XRCC2: variants seen among roughly 807,000 people sequenced by gnomAD.
XRCC2 encodes X-ray repair cross complementing 2.
Under a neutral mutation model 27.3 loss-of-function variants are expected in XRCC2, and 24 were observed. That is an observed-to-expected ratio of 0.88 (90% CI 0.64 to 1.24). The LOEUF is 1.24. Ranked by LOEUF, XRCC2 falls within the 50% of genes most tolerant of loss-of-function variation. The probability of loss-of-function intolerance (pLI) is 0.00; values close to 1 mark genes in which losing one functional copy is unlikely to be tolerated. For missense variants in XRCC2, 321 were observed against 325.8 expected (o/e 0.99, Z 0.11); for synonymous variants, 106 against 115.4 (o/e 0.92, Z 0.52).
At chr7:152,649,427 A>AG in intron 2 of XRCC2, 64 bp from the exon 3 acceptor site, 2 of 1,501,632 alleles carry the variant, frequency 1.3e-6, no homozygotes, top group Non-Finnish European at 1.8e-6. Flanking sequence ...CAAAATGCAA[A>AG]GTCTGCAAAA....
At chr7:152,658,323 T>C (rs1048921268) in intron 2 of XRCC2, among the ~76,000 whole-genome samples, 1 of 152,054 alleles carries the variant, frequency 6.6e-6, no homozygotes, top group African/African-American at 2.4e-5. Context: ...GCTAATTTTT[T>C]CTATTTTTAG....
intron 2 of XRCC2, 107 bp from the exon 3 acceptor site, chr7:152,649,470 G>T: frequency 7.3e-7 from 1 of 1,366,556 alleles, no homozygotes. Flanking sequence ...GAATGTGAAA[G>T]AAAATCTAAA....
At chr7:152,651,897 G>A (rs184339461) in intron 2 of XRCC2, among the ~76,000 whole-genome samples, 2 of 151,966 alleles carry the variant, frequency 1.3e-5, no homozygotes, top group East Asian at 3.9e-4. Flanking sequence ...GCTGGGCATA[G>A]TGGCTCACAT....
chr7:152,671,819 A>C (rs1447505792), intron 1 of XRCC2, among the ~76,000 whole-genome samples: 1 of 152,170 alleles, frequency 6.6e-6, no homozygotes, highest in African/African-American at 2.4e-5. Flanking sequence ...AGGCAGGTGA[A>C]TCACTTGAGC....
rs776959023 is a variant in XRCC2 at position 152,649,213 on chromosome 7, C to T, written c.272G>A (p.Arg91Gln). ...IDTDYHFDML[R>Q]LVTILEHRLS... ...TCTGTGCTCAAGAATTGTAACTAGCCGGAGCATATCAAAGTGGTAATCTGT... is the reference window on the plus strand; with the variant it reads ...TCTGTGCTCAAGAATTGTAACTAGCTGGAGCATATCAAAGTGGTAATCTGT... The change falls in exon 3 of 3, where the codon CGG (arginine) becomes CAG (glutamine). Residue 91 changes from arginine to glutamine, a missense_variant. Coordinates refer to ENST00000359321, the MANE Select transcript of XRCC2 (RefSeq NM_005431.2). 26 of 1,613,664 alleles carry T rather than the reference C, an allele frequency of 1.6e-5. No homozygotes were observed. The highest frequency in any genetic ancestry group is 4.5e-5 in the East Asian group (2 of 44,894).
At chr7:152,649,542 G>A (rs2098027620) in intron 2 of XRCC2, among the ~76,000 whole-genome samples, 179 bp from the exon 3 acceptor site, 1 of 152,178 alleles carries the variant, frequency 6.6e-6, no homozygotes, top group Non-Finnish European at 1.5e-5. Context: ...TTAGAGCCTG[G>A]TGGGAAGGTT....
chr7:152,655,576 G>A lies in XRCC2; in HGVS notation c.121+5125C>T, dbSNP rs958968443. Among the ~76,000 whole-genome samples, 6 of 152,110 alleles carry A rather than the reference G, an allele frequency of 3.9e-5. No homozygotes were observed. The South Asian group carries it at 1.2e-3, about 31-fold the overall frequency. On this transcript the variant is annotated intron_variant, in intron 2 of 2. Coordinates refer to ENST00000359321, the MANE Select transcript of XRCC2 (RefSeq NM_005431.2). ...ACACAAAAATTAGTCTGGTGTGGTGGCACACATCTGTGGTCCCAGCTATTC... is the reference window on the plus strand; with the variant it reads ...ACACAAAAATTAGTCTGGTGTGGTGACACACATCTGTGGTCCCAGCTATTC...
chr7:152,656,321 C>T (rs3218495), intron 2 of XRCC2, among the ~76,000 whole-genome samples: 7 of 152,110 alleles, frequency 4.6e-5, no homozygotes, highest in African/African-American at 1.2e-4. Flanking sequence ...GTTGGGTGTT[C>T]GAGACCAGCC....
chr7:152,648,903 C>T lies in XRCC2; in HGVS notation c.582G>A (p.Thr194=), dbSNP rs769829135. 25 of 1,613,936 alleles carry T rather than the reference C, an allele frequency of 1.5e-5. No individual in the cohort carries two copies. The highest frequency in any genetic ancestry group is 2.2e-5 in the South Asian group (2 of 91,078). ...VNDYRLVLFA[T]TQTIMQKASS... ...AGGCTTTCTGCATTATAGTTTGTGT[C>T]GTTGCAAAAAGAACCAGGCGATAGT... The change falls in exon 3 of 3, where the codon ACG becomes ACA. Residue 194 remains threonine, a synonymous_variant. Transcript: ENST00000359321.
chr7:152,651,887 G>A (rs1039823325), intron 2 of XRCC2, among the ~76,000 whole-genome samples: 6 of 151,940 alleles, frequency 3.9e-5, no homozygotes, highest in Admixed American at 3.9e-4. Context: ...TCTACACATG[G>A]CTGGGCATAG....
At chr7:152,675,945 G>A (rs953598235) in intron 1 of XRCC2, 96 bp downstream of exon 1, 7 of 1,545,880 alleles carry the variant, frequency 4.5e-6, no homozygotes, top group African/African-American at 1.4e-5. Flanking sequence ...AGGCCGCGCC[G>A]CCCCAAGCCT....
chr7:152,669,827 G>A lies in XRCC2; in HGVS notation c.39+6214C>T, dbSNP rs535774670. On this transcript the variant is annotated intron_variant, in intron 1 of 2. Coordinates refer to ENST00000359321, the MANE Select transcript of XRCC2 (RefSeq NM_005431.2). ...AAAACTGATGGGGAGGCCAGGCATCGTGGCTCATGCCTGTAATCCCAGCAC... is the reference window on the plus strand; with the variant it reads ...AAAACTGATGGGGAGGCCAGGCATCATGGCTCATGCCTGTAATCCCAGCAC... Among the ~76,000 whole-genome samples the A allele has an allele frequency of 5.3e-5, 8 of 151,954 alleles. No individual in the cohort carries two copies. The South Asian group carries it at 1.7e-3, about 32-fold the overall frequency.
At chr7:152,657,762 G>T (rs1271596976) in intron 2 of XRCC2, among the ~76,000 whole-genome samples, 1 of 152,124 alleles carries the variant, frequency 6.6e-6, no homozygotes, top group East Asian at 1.9e-4. Flanking sequence ...TAGAAATTAT[G>T]ATCTTACTTG....
At chr7:152,658,199 C>T (rs1590133329) in intron 2 of XRCC2, among the ~76,000 whole-genome samples, 1 of 151,588 alleles carries the variant, frequency 6.6e-6, no homozygotes. Context: ...GGCTGGAGTG[C>T]AGTGGCACAA....
chr7:152,665,449 T>C (rs1026070210), intron 1 of XRCC2, among the ~76,000 whole-genome samples: 9 of 150,028 alleles, frequency 6.0e-5, no homozygotes, highest in Admixed American at 4.7e-4. Flanking sequence ...GTGAAATCAT[T>C]CCTGGGTAAA....
chr7:152,648,860 GTTCTTCTGATGAGCTCGAGGCTT>G lies in XRCC2; in HGVS notation c.602_624del (p.Lys201ThrfsTer10). The G allele has an allele frequency of 6.2e-7, 1 of 1,613,928 alleles. No individual in the cohort carries two copies. Among genetic ancestry groups the G allele is most frequent in the South Asian group, 1.1e-5 (1 of 91,070 alleles). On this transcript the variant is annotated frameshift_variant, in exon 3 of 3. Coordinates refer to ENST00000359321, the MANE Select transcript of XRCC2 (RefSeq NM_005431.2). LOFTEE classifies it high-confidence loss of function. ...CACAGTCGTCGAGAGGCATGAGAAGGTTCTTCTGATGAGCTCGAGGCTTTCTGCATTATAGTTTGTGTCGTTGC... is the reference window on the plus strand; with the variant it reads ...CACAGTCGTCGAGAGGCATGAGAAGGTCTGCATTATAGTTTGTGTCGTTGC...
At chr7:152,675,930 C>G (rs1161172644) in intron 1 of XRCC2, 111 bp downstream of exon 1, 7 of 1,462,640 alleles carry the variant, frequency 4.8e-6, no homozygotes, top group African/African-American at 1.4e-5. Context: ...GGTCCCAGCC[C>G]GGCCAGGCCG....
At chr7:152,658,492 A>G (rs1376656967) in intron 2 of XRCC2, among the ~76,000 whole-genome samples, 3 of 152,188 alleles carry the variant, frequency 2.0e-5, no homozygotes, top group Admixed American at 2.0e-4. Context: ...CAGCAGTGTG[A>G]AGTACATTGA....
chr7:152,657,591 GA>G (rs1370605924), intron 2 of XRCC2, among the ~76,000 whole-genome samples: 1 of 152,120 alleles, frequency 6.6e-6, no homozygotes, highest in Non-Finnish European at 1.5e-5. Context: ...CACCTGGCCA[GA>G]AAGTATTCTT....
Sources: gnomAD v4.1 joint callset for allele counts (sites outside exome capture counted in the v4.1 genomes callset) on GRCh38, gnomAD v4.1.1 for gene constraint, MANE v1.5 for transcripts, NCBI Gene and HGNC (gene_info 2026-07-23, HGNC 2026-07-21) for gene names.